The following MDGA2 variants were observed in gnomAD, a reference collection of about 807,000 sequenced individuals.
The protein encoded by MDGA2 is MAM domain-containing glycosylphosphatidylinositol anchor protein 2.
A neutral mutation model predicts 117.8 loss-of-function variants in MDGA2; 40 were observed. The observed-to-expected ratio is 0.34, with a 90% CI of 0.26 to 0.44. The LOEUF (loss-of-function observed/expected upper bound fraction) is 0.44, where lower values mean the gene tolerates loss of function less well. Ranked by LOEUF, MDGA2 falls within the 20% of genes least tolerant of loss-of-function variation. The pLI, the probability that MDGA2 is intolerant of heterozygous loss-of-function variation, is 1.00. For synonymous variants in MDGA2, 452 were observed against 439.0 expected, an observed-to-expected ratio of 1.03 and a Z score of -0.37; for missense variants, 1,123 against 1,250.6, an observed-to-expected ratio of 0.90 and a Z score of 1.54.
At chr14:47,339,085 T>A (rs1890543920) in intron 1 of MDGA2, among the ~76,000 whole-genome samples, 1 of 152,244 alleles carries the variant, frequency 6.6e-6, no homozygotes, top group South Asian at 2.1e-4. Context: ...TAAATTTGTA[T>A]CTTTTACAGG....
intron 1 of MDGA2, among the ~76,000 whole-genome samples, chr14:47,646,383 C>T (rs1897535578): frequency 6.6e-6 from 1 of 151,808 alleles, no homozygotes; most frequent in African/African-American, 2.4e-5. Context: ...CATATAGATG[C>T]ATATATATTA....
intron 4 of MDGA2, among the ~76,000 whole-genome samples, chr14:47,133,846 T>C (rs1318926447): frequency 6.6e-6 from 1 of 152,004 alleles, no homozygotes; most frequent in East Asian, 1.9e-4. Context: ...TCAATCCCAA[T>C]TATTCTTTGT....
chr14:47,605,064 C>T (rs1896717828), intron 1 of MDGA2, among the ~76,000 whole-genome samples: 1 of 143,744 alleles, frequency 7.0e-6, no homozygotes, highest in Non-Finnish European at 1.5e-5. Flanking sequence ...TTCAGTGTCT[C>T]ATTTTCTTTT....
chr14:47,357,886 C>T (rs1434743312), intron 1 of MDGA2, among the ~76,000 whole-genome samples: 2 of 152,162 alleles, frequency 1.3e-5, no homozygotes, highest in Non-Finnish European at 2.9e-5. Flanking sequence ...CTCAATGCCC[C>T]TGGTCTACAT....
At chr14:47,301,283 ACCCACACC>A (rs1889270819) in intron 2 of MDGA2, 120 bp downstream of exon 2, 10 of 928,556 alleles carry the variant, frequency 1.1e-5, no homozygotes, top group Non-Finnish European at 1.5e-5. Flanking sequence ...ACACACACAC[ACCCACACC>A]CACCCACACA....
intron 3 of MDGA2, among the ~76,000 whole-genome samples, chr14:47,171,322 T>C (rs1400747193): frequency 1.3e-5 from 2 of 152,018 alleles, no homozygotes; most frequent in Non-Finnish European, 2.9e-5. Context: ...ATAATGAATA[T>C]TATATAAATT....
intron 3 of MDGA2, among the ~76,000 whole-genome samples, chr14:47,211,850 T>G (rs887290831): frequency 1.3e-5 from 2 of 152,222 alleles, no homozygotes; most frequent in African/African-American, 4.8e-5. Flanking sequence ...CATTAGCATA[T>G]CATTCACTGT....
chr14:47,480,086 AAT>A (rs929848495), intron 1 of MDGA2, among the ~76,000 whole-genome samples: 48 of 150,888 alleles, frequency 3.2e-4, no homozygotes, highest in African/African-American at 9.7e-4. Context: ...CAAAAAAATC[AAT>A]GTTTCGATTA....
intron 5 of MDGA2, among the ~76,000 whole-genome samples, chr14:47,119,819 C>T (rs529676858): frequency 6.9e-4 from 105 of 152,262 alleles, no homozygotes; most frequent in African/African-American, 2.3e-3. Context: ...ATATTACCTG[C>T]TTTCTTTTCC....
rs537469991 is a variant in MDGA2, at chr14:47,016,389, T to C, written c.1819+18622A>G. On this transcript the variant is annotated intron_variant, in intron 8 of 16. Transcript: ENST00000399232. ...TATTATATTACATCCTTAAGTCTGC[T>C]AGGTTTTTAAGATTAACAAAGAAAA... is the stretch of plus-strand genomic sequence containing the variant. 3.3e-5 allele frequency among the ~76,000 whole-genome samples: 5 copies of C among 152,240 alleles called. No homozygotes were observed. The East Asian group carries it at 9.6e-4, about 29-fold the overall frequency.
intron 1 of MDGA2, among the ~76,000 whole-genome samples, chr14:47,597,646 A>T (rs1203210285): frequency 6.6e-6 from 1 of 152,136 alleles, no homozygotes; most frequent in South Asian, 2.1e-4. Flanking sequence ...AGTCATTTGA[A>T]TCACAATAGA....
At chr14:47,158,357 GGGGT>G (rs1317221076) in intron 3 of MDGA2, among the ~76,000 whole-genome samples, 1,547 of 127,750 alleles carry the variant, frequency 0.012, 28 homozygotes, top group African/African-American at 0.044. Flanking sequence ...ACATATCCCT[GGGGT>G]GGGTGTGTGT....
At chr14:47,023,501 T>A (rs1566579324) in intron 8 of MDGA2, among the ~76,000 whole-genome samples, 1 of 152,158 alleles carries the variant, frequency 6.6e-6, no homozygotes, top group Non-Finnish European at 1.5e-5. Flanking sequence ...AGATTTCTTT[T>A]CATCATGGCA....
At chr14:47,206,147 A>G (rs1885674365) in intron 3 of MDGA2, among the ~76,000 whole-genome samples, 1 of 152,058 alleles carries the variant, frequency 6.6e-6, no homozygotes, top group Non-Finnish European at 1.5e-5. Flanking sequence ...CATTAAGATT[A>G]TTAGTTACTT....
chr14:47,566,689 C>T (rs1895925723), intron 1 of MDGA2, among the ~76,000 whole-genome samples: 1 of 152,000 alleles, frequency 6.6e-6, no homozygotes, highest in Non-Finnish European at 1.5e-5. Context: ...ACACTCATTC[C>T]CCAGGAGTCA....
At chr14:47,281,859 C>A (rs993942567) in intron 2 of MDGA2, among the ~76,000 whole-genome samples, 4 of 151,770 alleles carry the variant, frequency 2.6e-5, no homozygotes, top group Non-Finnish European at 5.9e-5. Flanking sequence ...AAGCTCGAGA[C>A]CAACCTGGCC....
At chr14:47,443,814 T>C (rs1037100610) in intron 1 of MDGA2, among the ~76,000 whole-genome samples, 1 of 152,154 alleles carries the variant, frequency 6.6e-6, no homozygotes, top group Non-Finnish European at 1.5e-5. Flanking sequence ...AATGTTGGAA[T>C]TTCGGCATCC....
At chr14:47,535,094 T>A (rs1292634798) in intron 1 of MDGA2, among the ~76,000 whole-genome samples, 1 of 152,162 alleles carries the variant, frequency 6.6e-6, no homozygotes, top group Non-Finnish European at 1.5e-5. Flanking sequence ...TTTGTCAACG[T>A]TAGGATTTCC....
chr14:47,649,672 G>A (rs557494276), intron 1 of MDGA2, among the ~76,000 whole-genome samples: 48 of 135,608 alleles, frequency 3.5e-4, no homozygotes, highest in African/African-American at 1.3e-3. Flanking sequence ...GCAACAGAGT[G>A]AGGCTTCATC....
Sources: allele counts gnomAD v4.1 joint callset (sites outside exome capture counted in the v4.1 genomes callset), GRCh38; gene constraint gnomAD v4.1.1; transcripts MANE v1.5; gene names NCBI Gene and HGNC (gene_info 2026-07-23, HGNC 2026-07-21).